The following SAMD12 variants were observed in gnomAD, a reference collection of about 807,000 sequenced individuals.
SAMD12 encodes sterile alpha motif domain containing 12.
Under a neutral mutation model 15.0 loss-of-function variants are expected in SAMD12, and 9 were observed. That is an observed-to-expected ratio of 0.60 (90% CI 0.36 to 1.05). SAMD12 has a LOEUF of 1.05. Ranked by LOEUF, SAMD12 falls within the 50% of genes least tolerant of loss-of-function variation. The pLI is 0.01. For missense variants in SAMD12, 230 were observed against 234.2 expected, an observed-to-expected ratio of 0.98 and a Z score of 0.12; for synonymous variants, 86 against 90.1, an observed-to-expected ratio of 0.96 and a Z score of 0.25.
At chr8:118,154,218 C>T in the SAMD12 span, among the ~76,000 whole-genome samples, 1 of 152,164 alleles carries the variant, frequency 6.6e-6, no homozygotes, top group East Asian at 1.9e-4. Flanking sequence ...CACTCAAGGG[C>T]CTCCAAAATC....
At chr8:118,408,315 G>A (rs1026774166) in intron 3 of SAMD12, among the ~76,000 whole-genome samples, 8 of 152,142 alleles carry the variant, frequency 5.3e-5, no homozygotes, top group Non-Finnish European at 1.0e-4. Context: ...TACAAGTTAA[G>A]TCATGGTCTC....
chr8:118,299,775 C>T (rs1473966056), intron 4 of SAMD12, among the ~76,000 whole-genome samples: 2 of 152,130 alleles, frequency 1.3e-5, no homozygotes, highest in Non-Finnish European at 2.9e-5. Context: ...GCAAAAATCT[C>T]TTCATGGCCT....
intron 2 of SAMD12, among the ~76,000 whole-genome samples, chr8:118,500,608 C>T (rs566891355): frequency 6.6e-6 from 1 of 151,880 alleles, no homozygotes; most frequent in Non-Finnish European, 1.5e-5. Flanking sequence ...GAGTTCAAGG[C>T]CAGCCCGGTT....
chr8:118,482,732 T>G (rs1824162818), intron 2 of SAMD12, among the ~76,000 whole-genome samples: 1 of 152,204 alleles, frequency 6.6e-6, no homozygotes, highest in Non-Finnish European at 1.5e-5. Context: ...GAAGGATGAC[T>G]GTACGTATTT....
At chr8:118,151,412 G>A in the SAMD12 span, among the ~76,000 whole-genome samples, 3 of 152,076 alleles carry the variant, frequency 2.0e-5, no homozygotes, top group Non-Finnish European at 4.4e-5. Flanking sequence ...TATTTAACTT[G>A]TGATGTTGTC....
intron 3 of SAMD12, among the ~76,000 whole-genome samples, chr8:118,433,074 C>G (rs1381783993): frequency 1.3e-5 from 2 of 152,196 alleles, no homozygotes; most frequent in African/African-American, 4.8e-5. Context: ...GGGGGACACT[C>G]AGCCTCCATT....
chr8:118,587,520 C>T (rs1482094688), intron 1 of SAMD12, among the ~76,000 whole-genome samples: 1 of 152,200 alleles, frequency 6.6e-6, no homozygotes, highest in East Asian at 1.9e-4. Flanking sequence ...AGGTTGATGA[C>T]AGATTCCTCC....
intron 4 of SAMD12, among the ~76,000 whole-genome samples, chr8:118,316,879 T>C (rs1815943829): frequency 6.7e-6 from 1 of 149,300 alleles, no homozygotes; most frequent in African/African-American, 2.5e-5. Flanking sequence ...GGTTTTGAAC[T>C]CTCGGCCTCA....
chr8:118,618,672 T>A (rs1460437051), intron 1 of SAMD12, among the ~76,000 whole-genome samples: 2 of 151,988 alleles, frequency 1.3e-5, no homozygotes, highest in African/African-American at 4.8e-5. Flanking sequence ...ACTCTGTCTC[T>A]ACTAAAAGTA....
chr8:118,362,505 A>C (rs1439736862), intron 4 of SAMD12, among the ~76,000 whole-genome samples: 1 of 152,258 alleles, frequency 6.6e-6, no homozygotes, highest in Admixed American at 6.5e-5. Context: ...GTGAATTATA[A>C]CAACCAACCA....
intron 1 of SAMD12, among the ~76,000 whole-genome samples, chr8:118,620,445 C>T (rs1012391410): frequency 8.0e-6 from 1 of 124,932 alleles, no homozygotes; most frequent in African/African-American, 3.0e-5. Context: ...CCTACTGGTA[C>T]ATTTGCACAG....
intron 4 of SAMD12, among the ~76,000 whole-genome samples, chr8:118,248,682 A>G (rs1242800380): frequency 1.3e-5 from 2 of 152,086 alleles, no homozygotes; most frequent in Non-Finnish European, 2.9e-5. Context: ...AAACAAATGG[A>G]ACAAATGGAA....
At position 118,456,233 on chromosome 8, in the gene SAMD12, G is replaced by A. The variant is rs779770316; in HGVS notation, c.193-16272C>T. On this transcript the variant is annotated intron_variant, in intron 2 of 3. Transcript: ENST00000314727. ...CCTTACTTTAGGGTGAGTAATGAAA[G>A]CTAGCTCTTTTCTCAGATGTTCTTG... Among the ~76,000 whole-genome samples the A allele has an allele frequency of 5.1e-4, 77 of 152,288 alleles. 1 individual carries two copies. The highest frequency in any genetic ancestry group is 4.9e-4 in the Non-Finnish European group (33 of 68,020).
chr8:118,333,554 G>GTT (rs11459780), intron 4 of SAMD12, among the ~76,000 whole-genome samples: 57 of 145,784 alleles, frequency 3.9e-4, no homozygotes, highest in South Asian at 6.7e-4. Context: ...TGATTCTTTT[G>GTT]TTTTTTTTTT....
chr8:118,550,756 C>T (rs1182840880), intron 2 of SAMD12, among the ~76,000 whole-genome samples: 1 of 151,166 alleles, frequency 6.6e-6, no homozygotes, highest in Non-Finnish European at 1.5e-5. Context: ...GAGTCAAGAC[C>T]CATCAGTGTG....
In SAMD12 at chr8:118,501,964, G is replaced by A. The variant is rs538960830; in HGVS notation, c.193-62003C>T. ...CCCGTTGGGGGGCGGAGCTTGCAGT[G>A]AGCGGAGATTGCGCCACTGCACTCA... On this transcript the variant is annotated intron_variant, in intron 2 of 3. Coordinates refer to ENST00000314727, the MANE Select transcript of SAMD12 (RefSeq NM_207506.3). Among the ~76,000 whole-genome samples, 945 of 150,506 alleles carry A rather than the reference G, an allele frequency of 6.3e-3. 3 individuals are homozygous for A. The highest frequency in any genetic ancestry group is 0.011 in the Non-Finnish European group (756 of 67,818).
chr8:118,365,930 T>A (rs1425113131), intron 4 of SAMD12, among the ~76,000 whole-genome samples: 6 of 152,110 alleles, frequency 3.9e-5, no homozygotes, highest in Non-Finnish European at 7.4e-5. Flanking sequence ...CCCCAAAGCA[T>A]AATTAATGAC....
At chr8:118,161,884 G>T in the SAMD12 span, among the ~76,000 whole-genome samples, 1 of 151,940 alleles carries the variant, frequency 6.6e-6, no homozygotes, top group Admixed American at 6.6e-5. Context: ...AGTGGCCTGG[G>T]CATGGTGGCT....
At chr8:118,512,815 G>A (rs1179533389) in intron 2 of SAMD12, among the ~76,000 whole-genome samples, 3 of 151,888 alleles carry the variant, frequency 2.0e-5, no homozygotes, top group Admixed American at 2.0e-4. Context: ...CATTGTTCAG[G>A]CTATAGACTA....
Sources: gnomAD v4.1 joint callset for allele counts (sites outside exome capture counted in the v4.1 genomes callset) on GRCh38, gnomAD v4.1.1 for gene constraint, MANE v1.5 for transcripts, NCBI Gene and HGNC (gene_info 2026-07-23, HGNC 2026-07-21) for gene names.